Variants in PCDH15 observed in about 807,000 individuals in gnomAD.
The protein encoded by PCDH15 is protocadherin-15.
A neutral mutation model predicts 178.5 loss-of-function variants in PCDH15; 129 were observed. The observed-to-expected ratio is 0.72, with a 90% CI of 0.63 to 0.84. The LOEUF is 0.84. Ranked by LOEUF, PCDH15 falls within the 40% of genes least tolerant of loss-of-function variation. The pLI is 0.00. For synonymous variants in PCDH15, 800 were observed against 732.0 expected (o/e 1.09, Z -1.50); for missense variants, 2,230 against 2,099.9 (o/e 1.06, Z -1.21).
intron 2 of PCDH15, among the ~76,000 whole-genome samples, chr10:55,161,950 G>A (rs1384308296): frequency 3.3e-5 from 5 of 152,106 alleles, no homozygotes; most frequent in African/African-American, 4.8e-5. Context: ...ATAGAAAACT[G>A]TTGTGGCCCA....
chr10:54,518,110 G>A (rs1303581181), intron 3 of PCDH15, among the ~76,000 whole-genome samples: 2 of 152,086 alleles, frequency 1.3e-5, no homozygotes, highest in East Asian at 1.9e-4. Flanking sequence ...GAGAAAGCAG[G>A]AAAGATCCAA....
chr10:54,507,603 C>T (rs1343705471), intron 3 of PCDH15, among the ~76,000 whole-genome samples: 1 of 151,900 alleles, frequency 6.6e-6, no homozygotes, highest in African/African-American at 2.4e-5. Flanking sequence ...GCATTTTACT[C>T]ATATGATCTC....
chr10:54,956,920 T>G (rs1392085845), intron 2 of PCDH15, among the ~76,000 whole-genome samples: 1 of 151,546 alleles, frequency 6.6e-6, no homozygotes, highest in Non-Finnish European at 1.5e-5. Context: ...AATCAAACAG[T>G]GAATGGTGGA....
At chr10:55,293,456 C>T (rs900619397) in intron 1 of PCDH15, among the ~76,000 whole-genome samples, 2 of 152,154 alleles carry the variant, frequency 1.3e-5, no homozygotes, top group African/African-American at 2.4e-5. Flanking sequence ...TTGAATTTCT[C>T]CTCAGAAAAT....
At chr10:55,078,771 C>T (rs188924032) in intron 2 of PCDH15, among the ~76,000 whole-genome samples, 1 of 151,858 alleles carries the variant, frequency 6.6e-6, no homozygotes, top group East Asian at 1.9e-4. Flanking sequence ...TTATCCCTCA[C>T]CCCCTTCCCA....
intron 21 of PCDH15, 93 bp downstream of exon 21, chr10:53,995,556 G>C: frequency 6.2e-7 from 1 of 1,609,226 alleles, no homozygotes. Context: ...AATTTACAGA[G>C]ACTACTTTTG....
chr10:55,047,012 C>A (rs1216474432), intron 2 of PCDH15, among the ~76,000 whole-genome samples: 1 of 151,860 alleles, frequency 6.6e-6, no homozygotes, highest in African/African-American at 2.4e-5. Context: ...CAGCTTGCAG[C>A]ATTTTTTTAA....
At chr10:55,519,631 C>T (rs940953590) in intron 2 of PCDH15, among the ~76,000 whole-genome samples, 9 of 151,660 alleles carry the variant, frequency 5.9e-5, no homozygotes, top group African/African-American at 2.2e-4. Context: ...ATATAATTAA[C>T]TCAAAGAAAA....
At chr10:54,090,835 T>G (rs978993242) in intron 15 of PCDH15, among the ~76,000 whole-genome samples, 20 of 152,178 alleles carry the variant, frequency 1.3e-4, no homozygotes, top group Non-Finnish European at 1.9e-4. Context: ...TCCTATGTGA[T>G]TATTTCTGTG....
intron 17 of PCDH15, among the ~76,000 whole-genome samples, chr10:54,070,861 G>T (rs2094227573): frequency 6.6e-6 from 1 of 151,958 alleles, no homozygotes; most frequent in East Asian, 1.9e-4. Flanking sequence ...CAAAGTGCTG[G>T]GGTTATAGGT....
intron 3 of PCDH15, among the ~76,000 whole-genome samples, chr10:54,517,504 G>T (rs1401996948): frequency 2.6e-5 from 4 of 152,046 alleles, no homozygotes; most frequent in African/African-American, 7.2e-5. Flanking sequence ...TCAACAAGAA[G>T]AGCTAACTAT....
At chr10:54,812,969 C>G (rs1388510823) in intron 3 of PCDH15, among the ~76,000 whole-genome samples, 1 of 152,258 alleles carries the variant, frequency 6.6e-6, no homozygotes, top group African/African-American at 2.4e-5. Context: ...ATTCTAACAC[C>G]TACCTAAAAC....
intron 13 of PCDH15, among the ~76,000 whole-genome samples, chr10:54,182,983 G>GT (rs1301150393): frequency 1.7e-5 from 2 of 117,928 alleles, no homozygotes; most frequent in Admixed American, 1.5e-4. Context: ...TTTTGTTTTT[G>GT]TTTTTGTTTT....
intron 2 of PCDH15, among the ~76,000 whole-genome samples, chr10:55,387,619 T>A (rs753026846): frequency 3.3e-5 from 5 of 152,120 alleles, no homozygotes; most frequent in Non-Finnish European, 7.4e-5. Context: ...CCTATACCTC[T>A]CTTGTTTGAA....
chr10:54,395,185 T>A (rs1409970913), intron 3 of PCDH15, among the ~76,000 whole-genome samples: 2 of 152,178 alleles, frequency 1.3e-5, no homozygotes, highest in East Asian at 3.9e-4. Context: ...GTGATAAGTG[T>A]CCATGAAATC....
chr10:55,449,067 C>T (rs953012452), intron 2 of PCDH15, among the ~76,000 whole-genome samples: 6 of 151,874 alleles, frequency 4.0e-5, no homozygotes, highest in South Asian at 4.2e-4. Flanking sequence ...ATAGATAGAT[C>T]TAGGCATTGA....
intron 2 of PCDH15, among the ~76,000 whole-genome samples, chr10:55,537,871 T>G (rs1466441258): frequency 6.6e-6 from 1 of 152,236 alleles, no homozygotes. Context: ...TGTGAAGATA[T>G]CACATATTTG....
At chr10:54,435,537 C>G (rs1278521013) in intron 3 of PCDH15, among the ~76,000 whole-genome samples, 1 of 152,110 alleles carries the variant, frequency 6.6e-6, no homozygotes, top group Non-Finnish European at 1.5e-5. Flanking sequence ...AAAAATGATT[C>G]CTTATTTTAG....
At chr10:53,948,079 T>C (rs1380751661) in intron 23 of PCDH15, among the ~76,000 whole-genome samples, 1 of 152,180 alleles carries the variant, frequency 6.6e-6, no homozygotes, top group Non-Finnish European at 1.5e-5. Context: ...CTTTCGGTTT[T>C]TTACTTTACT....
Sources: gnomAD v4.1 joint callset for allele counts (sites outside exome capture counted in the v4.1 genomes callset) on GRCh38, gnomAD v4.1.1 for gene constraint, MANE v1.5 for transcripts, NCBI Gene and HGNC (gene_info 2026-07-23, HGNC 2026-07-21) for gene names.